Variants in CBR4 observed in about 807,000 individuals in gnomAD.
CBR4 encodes the protein 3-oxoacyl-[acyl-carrier-protein] reductase.
In CBR4, 22 loss-of-function variants were observed where a neutral mutation model predicts 21.0. The observed-to-expected ratio is 1.05, with a 90% confidence interval of 0.75 to 1.50. CBR4 has a LOEUF of 1.50. Ranked by LOEUF, CBR4 falls within the 40% of genes most tolerant of loss-of-function variation. The pLI, the probability that CBR4 is intolerant of heterozygous loss-of-function variation, is 0.00. For synonymous variants in CBR4, 100 were observed against 104.4 expected, an observed-to-expected ratio of 0.96 and a Z score of 0.26; for missense variants, 302 against 286.3, an observed-to-expected ratio of 1.05 and a Z score of -0.40.
At chr4:168,917,343 C>G (rs1019800378) in intron 2 of CBR4, among the ~76,000 whole-genome samples, 4 of 152,166 alleles carry the variant, frequency 2.6e-5, no homozygotes, top group Admixed American at 2.6e-4. Flanking sequence ...CCACCACACC[C>G]GGCCTACAGC....
chr4:169,008,600 T>C (rs1343740471), intron 1 of CBR4, among the ~76,000 whole-genome samples: 1 of 152,200 alleles, frequency 6.6e-6, no homozygotes, highest in African/African-American at 2.4e-5. Flanking sequence ...CAATCACTCA[T>C]GGAACACGAT....
At chr4:168,924,150 G>GT (rs1285365780) in intron 2 of CBR4, 5 of 981,542 alleles carry the variant, frequency 5.1e-6, no homozygotes, top group Non-Finnish European at 8.0e-6. Context: ...GTAAAAAATG[G>GT]TATCATAAAA....
At chr4:168,919,776 C>T (rs1247358880) in intron 2 of CBR4, among the ~76,000 whole-genome samples, 1 of 152,120 alleles carries the variant, frequency 6.6e-6, no homozygotes, top group Non-Finnish European at 1.5e-5. Context: ...CAACAAGCAT[C>T]ACTATTTTCA....
intron 2 of CBR4, among the ~76,000 whole-genome samples, chr4:168,950,127 G>T (rs929640308): frequency 6.6e-6 from 1 of 151,956 alleles, no homozygotes; most frequent in African/African-American, 2.4e-5. Flanking sequence ...GTTCTGCTCT[G>T]ATCTTGGTTA....
At chr4:168,897,580 G>A (rs1755488297) in intron 2 of CBR4, among the ~76,000 whole-genome samples, 1 of 152,062 alleles carries the variant, frequency 6.6e-6, no homozygotes, top group Non-Finnish European at 1.5e-5. Flanking sequence ...CCAAGTAGCT[G>A]GGACAACAGG....
In CBR4 at chr4:168,894,850, T is replaced by C. The variant is rs1754773899; in HGVS notation, n.170-85A>G. ...CAGCTAATTTTTATTGAGCACATAC[T>C]ATGTTAAGTGACTGACAGAATTCTT... is the stretch of plus-strand genomic sequence containing the variant. On this transcript the variant is annotated intron_variant and non_coding_transcript_variant, in intron 2 of 3. Coordinates refer to the CBR4 transcript ENST00000509108. The C allele has an allele frequency of 3.0e-6, 3 of 997,628 alleles. No individual in the cohort carries two copies. The Admixed American group carries it at 7.5e-5, about 25-fold the overall frequency. The allele number at this position is 997,628 out of a possible 1,614,324, so 61.8% of individuals were successfully genotyped here.
chr4:168,905,001 C>T (rs1207654059), intron 2 of CBR4, among the ~76,000 whole-genome samples: 8 of 151,878 alleles, frequency 5.3e-5, no homozygotes, highest in Admixed American at 2.0e-4. Flanking sequence ...GTGGTAGGCA[C>T]CTGTAATCCC....
intron 2 of CBR4, among the ~76,000 whole-genome samples, chr4:168,969,770 G>C (rs1764149135): frequency 6.6e-6 from 1 of 152,164 alleles, no homozygotes; most frequent in African/African-American, 2.4e-5. Context: ...TGAAATTGTA[G>C]TCCACAGACC....
At chr4:168,914,798 C>T (rs1003691807) in intron 2 of CBR4, among the ~76,000 whole-genome samples, 2 of 152,182 alleles carry the variant, frequency 1.3e-5, no homozygotes, top group East Asian at 3.8e-4. Flanking sequence ...AGTTAGCTCA[C>T]AGAGAGTAGG....
At chr4:168,977,233 T>A (rs751870034) in intron 2 of CBR4, among the ~76,000 whole-genome samples, 4 of 152,202 alleles carry the variant, frequency 2.6e-5, no homozygotes, top group Non-Finnish European at 5.9e-5. Flanking sequence ...CAAAAACAAT[T>A]CTTATTGAAG....
At chr4:168,935,377 G>A (rs1301866093) in intron 2 of CBR4, among the ~76,000 whole-genome samples, 3 of 152,108 alleles carry the variant, frequency 2.0e-5, no homozygotes, top group Admixed American at 1.3e-4. Context: ...GTTTCTTTTC[G>A]TACCCCAGTG....
rs2054224 is a variant in CBR4 at position 168,988,950 on chromosome 4, C to T, written c.*1200G>A. The stretch of plus-strand genomic sequence containing the variant: ...CCAAATCAACATGAATGGAGTGACA[C>T]TGAAAATATCATACTATTCCCGATA... On this transcript the variant is annotated 3_prime_UTR_variant, in exon 5 of 5. Transcript: ENST00000306193. 0.75 allele frequency: 739,401 copies of T among 981,324 alleles called. 279,020 individuals are homozygous for T. Among genetic ancestry groups the T allele is most frequent in the East Asian group, 0.96 (8,470 of 8,796 alleles). The allele number at this position is 981,324 out of a possible 1,614,324, so 60.8% of individuals were successfully genotyped here. A position where few individuals can be genotyped will look rare whatever the true frequency, so the allele number is the denominator to read the frequency against.
chr4:169,000,994 G>A (rs191560463), intron 4 of CBR4, among the ~76,000 whole-genome samples: 1 of 151,838 alleles, frequency 6.6e-6, no homozygotes. Context: ...TTTTTATAGA[G>A]ACAGGGTCTC....
intron 2 of CBR4, among the ~76,000 whole-genome samples, chr4:168,958,141 G>A (rs1474795365): frequency 2.0e-5 from 3 of 152,136 alleles, no homozygotes; most frequent in Non-Finnish European, 4.4e-5. Flanking sequence ...GTGAGCACCT[G>A]TAATCCCAGC....
chr4:168,940,324 A>C (rs1763227719), intron 2 of CBR4, among the ~76,000 whole-genome samples: 1 of 152,246 alleles, frequency 6.6e-6, no homozygotes, highest in Admixed American at 6.5e-5. Context: ...TAAGACCTAA[A>C]ACCATAAAAA....
intron 2 of CBR4, among the ~76,000 whole-genome samples, chr4:168,966,220 C>T (rs375446012): frequency 6.6e-6 from 1 of 152,032 alleles, no homozygotes; most frequent in East Asian, 1.9e-4. Context: ...GTTAGAATGG[C>T]GATCATTAAA....
Position 168,989,362 on chromosome 4 carries a change from T to C in CBR4, c.*788A>G. On this transcript the variant is annotated 3_prime_UTR_variant, in exon 5 of 5. Coordinates refer to ENST00000306193, the MANE Select transcript of CBR4 (RefSeq NM_032783.5). ...ACCTTAAGGGCTAATCCTCTTCACT[T>C]ATGAGAATTTCTCAAGAATGAGTCA... 1 of 985,352 alleles carries C rather than the reference T, an allele frequency of 1.0e-6. No individual in the cohort carries two copies. Among genetic ancestry groups the C allele is most frequent in the Non-Finnish European group, 1.2e-6 (1 of 829,852 alleles). 61.0% of individuals were successfully genotyped at this position (985,352 alleles called of 1,614,324 possible).
At position 168,925,107 on chromosome 4, in the gene CBR4, C is replaced by G. The variant is rs762959871; in HGVS notation, n.170-30342G>C. The G allele has an allele frequency of 1.1e-5, 18 of 1,609,156 alleles. No homozygotes were observed. In the South Asian group the frequency reaches 1.9e-4, roughly 17 times the overall value. On this transcript the variant is annotated intron_variant and non_coding_transcript_variant, in intron 2 of 3. Coordinates refer to the CBR4 transcript ENST00000509108. ...AGTGCCACTTCATCTCATTTCATTG[C>G]GTTTACTCATTAAATTATGAAAAAT... is the stretch of plus-strand genomic sequence containing the variant.
intron 2 of CBR4, chr4:168,896,504 T>C (rs781098627): frequency 9.0e-7 from 1 of 1,107,596 alleles, no homozygotes; most frequent in African/African-American, 1.5e-5. Context: ...TGCATTCTTA[T>C]TATTTCTATT....
Sources: gnomAD v4.1 joint callset for allele counts (sites outside exome capture counted in the v4.1 genomes callset) on GRCh38, gnomAD v4.1.1 for gene constraint, MANE v1.5 for transcripts, NCBI Gene and HGNC (gene_info 2026-07-23, HGNC 2026-07-21) for gene names.